Variants in CAB39L observed in about 807,000 individuals in gnomAD.
The protein encoded by CAB39L is calcium-binding protein 39-like.
In CAB39L, 23 loss-of-function variants were observed where a neutral mutation model predicts 39.1. The observed-to-expected ratio is 0.59, with a 90% CI of 0.42 to 0.83. CAB39L has a LOEUF of 0.83. Ranked by LOEUF, CAB39L falls within the 40% of genes least tolerant of loss-of-function variation. CAB39L has a pLI of 0.00. For missense variants in CAB39L, 366 were observed against 391.9 expected, an observed-to-expected ratio of 0.93 and a Z score of 0.56; for synonymous variants, 126 against 137.2, an observed-to-expected ratio of 0.92 and a Z score of 0.57.
intron 3 of CAB39L, among the ~76,000 whole-genome samples, chr13:49,395,326 C>G (rs1282865976): frequency 1.3e-5 from 2 of 151,810 alleles, no homozygotes; most frequent in Admixed American, 6.6e-5. Flanking sequence ...ACCTCCGCCC[C>G]CCGGGTTCAA....
intron 1 of CAB39L, among the ~76,000 whole-genome samples, chr13:49,442,042 T>A (rs925160436): frequency 6.6e-6 from 1 of 152,250 alleles, no homozygotes; most frequent in Non-Finnish European, 1.5e-5. Flanking sequence ...ATGTATTGTT[T>A]GTTTTGACAT....
chr13:49,365,020 A>T (rs975579775), intron 5 of CAB39L, among the ~76,000 whole-genome samples: 3 of 152,142 alleles, frequency 2.0e-5, no homozygotes, highest in Non-Finnish European at 4.4e-5. Context: ...AAAACTGAAG[A>T]AATCACATGA....
At chr13:49,366,876 C>G (rs577173270) in intron 5 of CAB39L, among the ~76,000 whole-genome samples, 2 of 151,962 alleles carry the variant, frequency 1.3e-5, no homozygotes, top group African/African-American at 4.8e-5. Flanking sequence ...ATTAGCTGGG[C>G]GTGGTGGTGC....
chr13:49,426,645 T>C (rs1957249602), intron 3 of CAB39L, among the ~76,000 whole-genome samples: 1 of 152,208 alleles, frequency 6.6e-6, no homozygotes, highest in South Asian at 2.1e-4. Context: ...CAGGATGGTC[T>C]CGTTCCCCTG....
At chr13:49,373,191 A>G (rs1955966762) in intron 5 of CAB39L, among the ~76,000 whole-genome samples, 1 of 151,852 alleles carries the variant, frequency 6.6e-6, no homozygotes, top group Non-Finnish European at 1.5e-5. Context: ...CCTTTCTTCT[A>G]TTTCCTACTC....
chr13:49,393,447 CTATT>C (rs1956533169), intron 3 of CAB39L, among the ~76,000 whole-genome samples: 2 of 151,982 alleles, frequency 1.3e-5, no homozygotes, highest in African/African-American at 4.8e-5. Flanking sequence ...ATGTATGTGT[CTATT>C]TATCTATTCA....
chr13:49,357,747 C>A (rs903722552), intron 6 of CAB39L, among the ~76,000 whole-genome samples: 1 of 152,182 alleles, frequency 6.6e-6, no homozygotes, highest in African/African-American at 2.4e-5. Flanking sequence ...GCCTCCCACC[C>A]CAAGCTATTT....
intron 3 of CAB39L, 111 bp from the exon 4 acceptor site, chr13:49,383,052 T>C (rs764486954): frequency 6.6e-6 from 3 of 456,920 alleles, no homozygotes; most frequent in Non-Finnish European, 1.2e-5. Context: ...ATCTGAAACA[T>C]TAAAAGTGAT....
Position 49,434,147 on chromosome 13 carries a change from C to T in CAB39L, c.-169G>A, listed in dbSNP as rs914700482. On this transcript the variant is annotated 5_prime_UTR_variant, in exon 2 of 11. Transcript: ENST00000409308. ...ATGAACAAACCACTGATTTGGGGTT[C>T]GCATCTTTACGTTCTGAACAGCAAC... 10 of 456,768 alleles carry T rather than the reference C, an allele frequency of 2.2e-5. No homozygotes were observed. Among genetic ancestry groups the T allele is most frequent in the African/African-American group, 6.0e-5 (3 of 50,048 alleles). The allele number at this position is 456,768 out of a possible 1,614,324, so 28.3% of individuals were successfully genotyped here.
intron 5 of CAB39L, among the ~76,000 whole-genome samples, chr13:49,372,433 C>G (rs890865118): frequency 7.2e-5 from 11 of 152,170 alleles, no homozygotes; most frequent in African/African-American, 2.4e-4. Context: ...CTCTAGATTC[C>G]TGACAGAGAA....
At chr13:49,356,856 T>C (rs911201508) in intron 6 of CAB39L, among the ~76,000 whole-genome samples, 1 of 152,080 alleles carries the variant, frequency 6.6e-6, no homozygotes, top group African/African-American at 2.4e-5. Context: ...CAAGACCATC[T>C]GGCTAACATG....
rs1953957752 is a variant in CAB39L, at chr13:49,310,726, C to T, written c.*88G>A. On this transcript the variant is annotated 3_prime_UTR_variant, in exon 11 of 11. Coordinates refer to ENST00000409308, the MANE Select transcript of CAB39L (RefSeq NM_001079670.3). ...CAGAAAAAATAGGCACCTCCAAAGT[C>T]TTCCCAAGAATGATGACTTTCTGAA... The T allele has an allele frequency of 7.1e-7, 1 of 1,414,136 alleles. No homozygotes were observed. Among genetic ancestry groups the T allele is most frequent in the East Asian group, 2.3e-5 (1 of 43,548 alleles). The allele number at this position is 1,414,136 out of a possible 1,614,324, so 87.6% of individuals were successfully genotyped here.
intron 5 of CAB39L, among the ~76,000 whole-genome samples, chr13:49,360,049 G>A (rs1481669453): frequency 1.3e-5 from 2 of 152,308 alleles, no homozygotes; most frequent in Non-Finnish European, 2.9e-5. Flanking sequence ...CACAGGATGT[G>A]TGCTGGGGGA....
chr13:49,346,694 A>T (rs117729347), intron 7 of CAB39L, among the ~76,000 whole-genome samples: 222 of 152,296 alleles, frequency 1.5e-3, no homozygotes, highest in Non-Finnish European at 3.1e-3. Context: ...AGCACTTTGC[A>T]AATACGGTTT....
chr13:49,440,204 G>GT (rs1313838626), intron 1 of CAB39L, among the ~76,000 whole-genome samples: 4 of 151,990 alleles, frequency 2.6e-5, no homozygotes, highest in Non-Finnish European at 4.4e-5. Flanking sequence ...GATTCTTACT[G>GT]TTTGAGTTCT....
intron 10 of CAB39L, among the ~76,000 whole-genome samples, chr13:49,331,447 C>G (rs1954693988): frequency 6.6e-6 from 1 of 152,080 alleles, no homozygotes; most frequent in African/African-American, 2.4e-5. Context: ...GCCTGGGCAA[C>G]AGAGTGAGAC....
In CAB39L at chr13:49,365,042, A is replaced by C. The variant is rs117328589; in HGVS notation, c.277-5210T>G. 3.3e-3 allele frequency among the ~76,000 whole-genome samples: 502 copies of C among 152,316 alleles called. 6 individuals carry two copies. In the East Asian group the frequency reaches 0.039, roughly 12 times the overall value. On this transcript the variant is annotated intron_variant, in intron 5 of 10. Transcript: ENST00000409308. The stretch of plus-strand genomic sequence containing the variant: ...AAGAAATCACATGACTTGACTTTGA[A>C]TTATACTACAGAGCTATATAGTAAC...
At chr13:49,315,776 T>A (rs569311674) in intron 10 of CAB39L, among the ~76,000 whole-genome samples, 5 of 150,886 alleles carry the variant, frequency 3.3e-5, no homozygotes, top group Middle Eastern at 3.4e-3. Flanking sequence ...TCCCAGCTAT[T>A]CAGGAAGCTG....
intron 3 of CAB39L, among the ~76,000 whole-genome samples, chr13:49,406,280 G>A (rs1483206558): frequency 6.7e-6 from 1 of 148,832 alleles, no homozygotes; most frequent in Admixed American, 6.7e-5. Flanking sequence ...CCATTCTCCT[G>A]CCTCAGCTTC....
Sources: allele counts gnomAD v4.1 joint callset (sites outside exome capture counted in the v4.1 genomes callset), GRCh38; gene constraint gnomAD v4.1.1; transcripts MANE v1.5; gene names NCBI Gene and HGNC (gene_info 2026-07-23, HGNC 2026-07-21).